CLIP1: variants seen among roughly 807,000 people sequenced by gnomAD.
CLIP1 encodes CAP-Gly domain-containing linker protein 1.
CLIP1 carries 66 observed loss-of-function variants against 161.6 expected under a neutral mutation model. The observed-to-expected ratio is 0.41, with a 90% CI of 0.33 to 0.50. The LOEUF is 0.50. Ranked by LOEUF, CLIP1 falls within the 20% of genes least tolerant of loss-of-function variation. The probability of loss-of-function intolerance (pLI) is 0.27; values close to 1 mark genes in which losing one functional copy is unlikely to be tolerated. For synonymous variants in CLIP1, 598 were observed against 626.2 expected, an observed-to-expected ratio of 0.96 and a Z score of 0.67; for missense variants, 1,376 against 1,702.0, an observed-to-expected ratio of 0.81 and a Z score of 3.37.
At chr12:122,397,671 T>G (rs1251040818) in intron 1 of CLIP1, among the ~76,000 whole-genome samples, 2 of 150,744 alleles carry the variant, frequency 1.3e-5, no homozygotes, top group Non-Finnish European at 2.9e-5. Flanking sequence ...GAAAATCAAC[T>G]TATCGGCCAC....
chr12:122,272,639 G>A lies in CLIP1; in HGVS notation c.*236C>T, dbSNP rs573889262. Reference sequence around the variant, plus strand: ...GGCATCTGGTGCAATGTCTTCAAACGTAAAAATCAAGAAAACAAAATTCGA... The same window carrying A: ...GGCATCTGGTGCAATGTCTTCAAACATAAAAATCAAGAAAACAAAATTCGA... On this transcript the variant is annotated 3_prime_UTR_variant, in exon 26 of 26. Coordinates refer to ENST00000620786, the MANE Select transcript of CLIP1 (RefSeq NM_001247997.2). 1.6e-5 allele frequency: 8 copies of A among 499,688 alleles called. No homozygotes were observed. Among genetic ancestry groups the A allele is most frequent in the South Asian group, 9.8e-5 (4 of 40,844 alleles). 31.0% of individuals were successfully genotyped at this position (499,688 alleles called of 1,614,324 possible). A position where few individuals can be genotyped will look rare whatever the true frequency, so the allele number is the denominator to read the frequency against.
intron 1 of CLIP1, among the ~76,000 whole-genome samples, chr12:122,419,280 G>A (rs1200665228): frequency 1.3e-5 from 2 of 151,160 alleles, no homozygotes; most frequent in Non-Finnish European, 2.9e-5. Context: ...TGAGGTGGGA[G>A]AATCACTTGA....
At chr12:122,331,705 T>C (rs1358140022) in intron 15 of CLIP1, among the ~76,000 whole-genome samples, 1 of 152,176 alleles carries the variant, frequency 6.6e-6, no homozygotes, top group African/African-American at 2.4e-5. Context: ...CCTATTAAAA[T>C]AAGTTCAGGC....
intron 24 of CLIP1, chr12:122,276,498 G>A: frequency 7.8e-7 from 1 of 1,288,022 alleles, no homozygotes; most frequent in East Asian, 5.6e-5. Context: ...GAAGCAGAAA[G>A]GAAGGGGGAA....
intron 4 of CLIP1, 89 bp downstream of exon 4, chr12:122,363,894 T>C: frequency 1.1e-5 from 17 of 1,568,080 alleles, no homozygotes; most frequent in Non-Finnish European, 1.0e-5. Context: ...AAACACAACT[T>C]TCCATGTTAT....
At chr12:122,316,952 ATG>A in intron 18 of CLIP1, 97 bp from the exon 19 acceptor site, 1 of 752,924 alleles carries the variant, frequency 1.3e-6, no homozygotes, top group Non-Finnish European at 2.1e-6. Flanking sequence ...GAAAAGACAG[ATG>A]AAATTAGTCA....
At chr12:122,379,944 T>TTAA (rs536970371) in intron 2 of CLIP1, among the ~76,000 whole-genome samples, 5 of 99,732 alleles carry the variant, frequency 5.0e-5, no homozygotes, top group African/African-American at 1.5e-4. Context: ...ACTCCATCTT[T>TTAA]AAAAAAAAAA....
intron 17 of CLIP1, among the ~76,000 whole-genome samples, chr12:122,327,745 T>C (rs1162188788): frequency 2.0e-5 from 3 of 151,888 alleles, no homozygotes; most frequent in Admixed American, 2.0e-4. Context: ...GGAAACACCG[T>C]CCGAGAAGGA....
chr12:122,345,879 A>G (rs1952724295), intron 10 of CLIP1, among the ~76,000 whole-genome samples: 1 of 150,772 alleles, frequency 6.6e-6, no homozygotes, highest in Non-Finnish European at 1.5e-5. Flanking sequence ...TCTGCCTCCC[A>G]GGTTCAAGTG....
chr12:122,403,437 T>G (rs1028668427), intron 1 of CLIP1, among the ~76,000 whole-genome samples: 13 of 149,716 alleles, frequency 8.7e-5, no homozygotes, highest in Non-Finnish European at 1.8e-4. Flanking sequence ...TCAAAGCACA[T>G]GAAAGGAACC....
At chr12:122,333,784 GGA>G (rs1463075580) in intron 14 of CLIP1, among the ~76,000 whole-genome samples, 2 of 152,212 alleles carry the variant, frequency 1.3e-5, no homozygotes, top group Non-Finnish European at 2.9e-5. Context: ...CCGTTGGCTT[GGA>G]GCAAGGATAG....
At chr12:122,412,422 AG>A (rs1382578858) in intron 1 of CLIP1, among the ~76,000 whole-genome samples, 2 of 151,498 alleles carry the variant, frequency 1.3e-5, no homozygotes, top group East Asian at 3.9e-4. Flanking sequence ...TGGAAGGCTG[AG>A]GTGGGCGGAT....
intron 24 of CLIP1, chr12:122,276,552 G>C: frequency 8.6e-7 from 1 of 1,167,594 alleles, no homozygotes; most frequent in South Asian, 1.3e-5. Flanking sequence ...CATACAAAGA[G>C]GACAATGCTA....
intron 1 of CLIP1, among the ~76,000 whole-genome samples, chr12:122,394,366 A>G (rs1282435246): frequency 6.6e-6 from 1 of 151,566 alleles, no homozygotes; most frequent in Admixed American, 6.6e-5. Flanking sequence ...GCACGTGCCT[A>G]TAATCCCAGT....
intron 9 of CLIP1, among the ~76,000 whole-genome samples, chr12:122,349,987 C>T (rs1593130796): frequency 6.6e-6 from 1 of 151,998 alleles, no homozygotes; most frequent in East Asian, 1.9e-4. Flanking sequence ...TCACTGCAAC[C>T]TCTGCCTCCT....
intron 5 of CLIP1, among the ~76,000 whole-genome samples, chr12:122,358,152 C>G (rs1953583371): frequency 1.3e-5 from 2 of 152,038 alleles, no homozygotes; most frequent in South Asian, 2.1e-4. Flanking sequence ...CAACCCTGTG[C>G]TCTCTGAAAC....
rs762787152 is a variant in CLIP1, at chr12:122,334,702, C to T, written c.2572G>A (p.Glu858Lys). The T allele has an allele frequency of 1.3e-6, 2 of 1,568,020 alleles. No individual in the cohort carries two copies. The highest frequency in any genetic ancestry group is 1.2e-5 in the South Asian group (1 of 86,044). ...TCCTCTGAAGCTTCAGCAAACTTTT[C>T]TTTCTAAAGAAAAAGAATGAGAGAT... The part of the protein sequence containing the change: ...TLEKELQILK[E>K]KFAEASEEAV... Residue 858 changes from glutamate (E) to lysine (K), a missense_variant, in exon 13 of 26, where the codon GAA becomes AAA. Coordinates refer to ENST00000620786, the MANE Select transcript of CLIP1 (RefSeq NM_001247997.2).
Position 122,319,319 on chromosome 12 carries a change from C to T in CLIP1, c.3279G>A (p.Gln1093=). 1 of 1,614,036 alleles carries T rather than the reference C, an allele frequency of 6.2e-7. No individual in the cohort carries two copies. Among genetic ancestry groups the T allele is most frequent in the Non-Finnish European group, 8.5e-7 (1 of 1,179,864 alleles). ...KAAQTAEDAM[Q]IMEQMTKEKT... is the part of the protein sequence containing the mutation. ...TCTCTTTGGTCATCTGTTCCATTAT[C>T]TGCATGGCATCTTCCGCTGTTTGAG... Residue 1093 remains glutamine, a synonymous_variant, in exon 18 of 26, where the codon CAG becomes CAA. Coordinates refer to ENST00000620786, the MANE Select transcript of CLIP1 (RefSeq NM_001247997.2).
chr12:122,369,335 T>C (rs1954317667), intron 3 of CLIP1, among the ~76,000 whole-genome samples: 1 of 151,916 alleles, frequency 6.6e-6, no homozygotes, highest in Admixed American at 6.6e-5. Flanking sequence ...TTTGATTACC[T>C]CAAGTAATAT....
Sources: gnomAD v4.1 joint callset for allele counts (sites outside exome capture counted in the v4.1 genomes callset) on GRCh38, gnomAD v4.1.1 for gene constraint, MANE v1.5 for transcripts, NCBI Gene and HGNC (gene_info 2026-07-23, HGNC 2026-07-21) for gene names.